Variants in NR3C1 observed in about 807,000 individuals in gnomAD.
The protein encoded by NR3C1 is nuclear receptor subfamily 3 group C member 1.
A neutral mutation model predicts 74.0 loss-of-function variants in NR3C1; 14 were observed. That is an observed-to-expected ratio of 0.19 (90% CI 0.12 to 0.30). The LOEUF (loss-of-function observed/expected upper bound fraction) is 0.30. NR3C1 is among the 10% of genes least tolerant of loss of function. The pLI, the probability that NR3C1 is intolerant of heterozygous loss-of-function variation, is 1.00. For synonymous variants in NR3C1, 308 were observed against 332.5 expected (o/e 0.93, Z 0.80); for missense variants, 695 against 909.8 (o/e 0.76, Z 3.04).
Position 143,310,298 on chromosome 5 carries a change from G to C in NR3C1, c.1352-85C>G. On this transcript the variant is annotated intron_variant, in intron 3 of 8. Transcript: ENST00000394464. ...ACAGCCTCTGTCTTTGTTTCCGGTG[G>C]AATATAACCAAGACACCCACAGGTA... The C allele has an allele frequency of 4.1e-6, 4 of 980,664 alleles. No individual in the cohort carries two copies. In the South Asian group the frequency reaches 5.3e-5, roughly 13 times the overall value. The allele number at this position is 980,664 out of a possible 1,614,324, so 60.7% of individuals were successfully genotyped here. A position where few individuals can be genotyped will look rare whatever the true frequency, so the allele number is the denominator to read the frequency against.
chr5:143,307,007 C>T (rs1399512201), intron 4 of NR3C1, among the ~76,000 whole-genome samples: 1 of 150,592 alleles, frequency 6.6e-6, no homozygotes, highest in Non-Finnish European at 1.5e-5. Context: ...TGCCATTCTC[C>T]TGCCTCAGCC....
chr5:143,279,489 G>T lies in NR3C1; in HGVS notation c.*2400C>A. ...TGTCATTGATAAGAATATTCAAGCA[G>T]TTTTCTTAGGCACCAAAAATTTATC... On this transcript the variant is annotated 3_prime_UTR_variant, in exon 9 of 9. Transcript: ENST00000394464. The T allele has an allele frequency of 7.2e-7, 1 of 1,397,442 alleles. No homozygotes were observed. 86.6% of individuals were successfully genotyped at this position (1,397,442 alleles called of 1,614,324 possible). A position where few individuals can be genotyped will look rare whatever the true frequency, so the allele number is the denominator to read the frequency against.
intron 2 of NR3C1, among the ~76,000 whole-genome samples, chr5:143,398,957 C>T (rs765778919): frequency 1.3e-5 from 2 of 152,092 alleles, no homozygotes; most frequent in Non-Finnish European, 2.9e-5. Context: ...AACATTTGAA[C>T]GTAAAATTTT....
chr5:143,352,821 A>G lies in NR3C1; in HGVS notation c.1185-38653T>C, dbSNP rs185374518. ...TGTGGAGGGTCTTGCTTCAGTGTTGATGCCTGCTGACTGATCAGAGAGGTG... is the reference window on the plus strand; with the variant it reads ...TGTGGAGGGTCTTGCTTCAGTGTTGGTGCCTGCTGACTGATCAGAGAGGTG... On this transcript the variant is annotated intron_variant, in intron 2 of 8. Transcript: ENST00000394464. Among the ~76,000 whole-genome samples, 351 of 152,284 alleles carry G rather than the reference A, an allele frequency of 2.3e-3. 1 individual carries two copies. Among genetic ancestry groups the G allele is most frequent in the African/African-American group, 8.0e-3 (334 of 41,544 alleles).
intron 1 of NR3C1, chr5:143,402,605 T>C (rs906670022): frequency 5.1e-6 from 5 of 985,322 alleles, no homozygotes; most frequent in Middle Eastern, 5.2e-4. Context: ...TCCAGACCTG[T>C]TGAGTTCTCT....
chr5:143,370,489 T>G (rs556224590), intron 2 of NR3C1, among the ~76,000 whole-genome samples: 2 of 152,220 alleles, frequency 1.3e-5, no homozygotes, highest in Non-Finnish European at 2.9e-5. Context: ...ATTTTGCAAA[T>G]GTATCTTCTA....
chr5:143,406,755 T>C (rs1405801427), upstream of NR3C1, among the ~76,000 whole-genome samples: 2 of 152,212 alleles, frequency 1.3e-5, no homozygotes, highest in Non-Finnish European at 2.9e-5. Context: ...AATTAGACAA[T>C]ATTAAAGTGG....
Position 143,300,546 on chromosome 5 carries a change from C to A in NR3C1, c.1686G>T (p.Thr562=). The A allele has an allele frequency of 6.2e-7, 1 of 1,614,166 alleles. No homozygotes were observed. Among genetic ancestry groups the A allele is most frequent in the Non-Finnish European group, 8.5e-7 (1 of 1,180,010 alleles). ...VPDSTWRIMT[T]LNMLGGRQVI... ...CTTGCCGCCCTCCTAACATGTTGAGCGTAGTCATGATCCTCCAAGTTGAGT... is the reference window on the plus strand; with the variant it reads ...CTTGCCGCCCTCCTAACATGTTGAGAGTAGTCATGATCCTCCAAGTTGAGT... The change falls in exon 5 of 9, where the codon ACG becomes ACT. Residue 562 remains threonine, a synonymous_variant. Transcript: ENST00000394464. The surrounding 1 kb of genome is among the most constrained non-coding windows in gnomAD (Gnocchi z 5.2).
intron 1 of NR3C1, among the ~76,000 whole-genome samples, chr5:143,424,059 T>TTGTGGGG (rs56176221): frequency 0.64 from 69,544 of 108,280 alleles, 22,448 homozygotes; most frequent in Middle Eastern, 0.79. Flanking sequence ...CTGGGGACTG[T>TTGTGGGG]TGTGGGGTGT....
chr5:143,290,868 C>G (rs1815751172), intron 7 of NR3C1, among the ~76,000 whole-genome samples: 1 of 152,084 alleles, frequency 6.6e-6, no homozygotes, highest in South Asian at 2.1e-4. Flanking sequence ...GGCCCCATCT[C>G]TATATTTAAT....
chr5:143,403,363 T>A lies in NR3C1; in HGVS notation c.-166A>T. On this transcript the variant is annotated 5_prime_UTR_variant, in exon 1 of 9. Coordinates refer to ENST00000394464, the MANE Select transcript of NR3C1 (RefSeq NM_000176.3). ...AAACAGCCGCCCCTTTCTCCATGGGTGGGGGGAGAGCCCCTATTTAAGAAA... is the reference window on the plus strand; with the variant it reads ...AAACAGCCGCCCCTTTCTCCATGGGAGGGGGGAGAGCCCCTATTTAAGAAA... 2 of 985,348 alleles carry A rather than the reference T, an allele frequency of 2.0e-6. No homozygotes were observed. The highest frequency in any genetic ancestry group is 9.4e-5 in the South Asian group (2 of 21,290). 61.0% of individuals were successfully genotyped at this position (985,348 alleles called of 1,614,324 possible).
intron 6 of NR3C1, among the ~76,000 whole-genome samples, chr5:143,298,406 G>A (rs540651107): frequency 1.1e-4 from 16 of 152,266 alleles, no homozygotes; most frequent in African/African-American, 3.6e-4. Context: ...TGTTGCTTGC[G>A]ACAGACTTTA....
At chr5:143,335,882 G>A (rs922806654) in intron 2 of NR3C1, among the ~76,000 whole-genome samples, 3 of 152,190 alleles carry the variant, frequency 2.0e-5, no homozygotes, top group Non-Finnish European at 2.9e-5. Flanking sequence ...GAAAGCCGAT[G>A]GACAACTTTA....
At chr5:143,348,907 G>T (rs1009229365) in intron 2 of NR3C1, among the ~76,000 whole-genome samples, 3 of 152,098 alleles carry the variant, frequency 2.0e-5, no homozygotes, top group African/African-American at 7.2e-5. Flanking sequence ...CCCTACAAAT[G>T]CTCCTTGTAT....
In NR3C1 at chr5:143,282,762, T is replaced by TTTTTC. The variant is rs200115420; in HGVS notation, c.2024-42_2024-38dup. The TTTTTC allele has an allele frequency of 3.4e-5, 54 of 1,595,162 alleles. No individual in the cohort carries two copies. The East Asian group carries it at 8.8e-4, about 26-fold the overall frequency. The stretch of plus-strand genomic sequence containing the variant: ...AGATGAAGTCAGTTAAAGGATTTTC[T>TTTTTC]TTTTCTTTTCTTTTCTTTTTTTTTT... On this transcript the variant is annotated intron_variant, in intron 7 of 8. Coordinates refer to ENST00000394464, the MANE Select transcript of NR3C1 (RefSeq NM_000176.3).
At chr5:143,288,388 G>A (rs1268137343) in intron 7 of NR3C1, among the ~76,000 whole-genome samples, 2 of 152,102 alleles carry the variant, frequency 1.3e-5, no homozygotes, top group Non-Finnish European at 2.9e-5. Context: ...CAACGTGCTG[G>A]AATTACAGGC....
chr5:143,399,918 C>T lies in NR3C1; in HGVS notation c.922G>A (p.Gly308Arg), dbSNP rs1405979209. The T allele has an allele frequency of 1.3e-5, 21 of 1,614,048 alleles. No homozygotes were observed. The Admixed American group carries it at 2.0e-4, about 15-fold the overall frequency. Reference protein sequence around the residue: ...GTVYCQASFPGANIIGNKMSA... With the variant: ...GTVYCQASFPRANIIGNKMSA... ...ATTTTATTACCAATTATATTTGCTC[C>T]AGGAAAGCTTGCCTGACAGTAAACT... The change falls in exon 2 of 9, where the codon GGA becomes AGA. Residue 308 changes from glycine (G) to arginine (R), a missense_variant. Around this residue, in one of 4 missense-constraint regions of NR3C1, gnomAD observed 497 missense variants for 489.5 expected, o/e 1.02. Coordinates refer to ENST00000394464, the MANE Select transcript of NR3C1 (RefSeq NM_000176.3).
chr5:143,374,871 C>T (rs1175103893), intron 2 of NR3C1, among the ~76,000 whole-genome samples: 1 of 152,098 alleles, frequency 6.6e-6, no homozygotes. Context: ...CACATACATG[C>T]ACTCACATGT....
intron 2 of NR3C1, among the ~76,000 whole-genome samples, chr5:143,383,334 T>C (rs960627494): frequency 6.6e-6 from 1 of 152,264 alleles, no homozygotes; most frequent in Non-Finnish European, 1.5e-5. Context: ...GGCCATGCTA[T>C]TTGCTTCCTC....
Sources: gnomAD v4.1 joint callset for allele counts (sites outside exome capture counted in the v4.1 genomes callset) on GRCh38, gnomAD v4.1.1 for gene constraint, gnomAD v4.1.1 regional missense constraint, Gnocchi (gnomAD v3.1) non-coding constraint, MANE v1.5 for transcripts, NCBI Gene and HGNC (gene_info 2026-07-23, HGNC 2026-07-21) for gene names.